KLC4: variants seen among roughly 807,000 people sequenced by gnomAD.
KLC4 encodes the protein kinesin-like protein 8.
In KLC4, 49 loss-of-function variants were observed where a neutral mutation model predicts 77.2. The ratio of observed to expected loss-of-function variants is 0.63; its 90% CI spans 0.50 to 0.80. The LOEUF is 0.80. Among genes scored for constraint, KLC4 ranks in the 30% least tolerant of loss-of-function variants. KLC4 has a pLI of 0.00. For missense variants in KLC4, 669 were observed against 793.5 expected (o/e 0.84, Z 1.89); for synonymous variants, 274 against 314.5 (o/e 0.87, Z 1.36).
chr6:43,060,190 A>G, intron 1 of KLC4: 1 of 1,613,892 alleles, frequency 6.2e-7, no homozygotes, highest in Non-Finnish European at 8.5e-7. Flanking sequence ...TTTGTAGGTG[A>G]CCGTGACAGA....
chr6:43,068,959 T>A (rs1305242072), intron 6 of KLC4, among the ~76,000 whole-genome samples: 1 of 152,004 alleles, frequency 6.6e-6, no homozygotes, highest in African/African-American at 2.4e-5. Context: ...AATACAAAAA[T>A]TAGCCAGTTG....
intron 12 of KLC4, 72 bp downstream of exon 12, chr6:43,072,327 G>A: frequency 8.8e-7 from 1 of 1,140,838 alleles, no homozygotes; most frequent in Non-Finnish European, 1.3e-6. Flanking sequence ...GAGGTTTCTT[G>A]GGAGTCTCCT....
chr6:43,070,550 C>A, intron 7 of KLC4, 95 bp downstream of exon 7: 2 of 1,357,542 alleles, frequency 1.5e-6, no homozygotes, highest in Non-Finnish European at 2.1e-6. Context: ...TTTTTTTTCT[C>A]ACCCCCATCT....
rs1441157354 is a variant in KLC4 at position 43,071,334 on chromosome 6, C to T, written c.1215C>T (p.Ile405=). Reference sequence around the variant, plus strand: ...AGGCTGAGACACTATACAAAGAGATCCTGACCCGTGCCCATGTACAGGAGT... The same window carrying T: ...AGGCTGAGACACTATACAAAGAGATTCTGACCCGTGCCCATGTACAGGAGT... The part of the protein sequence containing the change: ...YAEAETLYKE[I]LTRAHVQEFG... The change falls in exon 9 of 16, where the codon ATC becomes ATT. Residue 405 remains isoleucine (I), a synonymous_variant. Coordinates refer to ENST00000347162, the MANE Select transcript of KLC4 (RefSeq NM_201521.3). 6.2e-7 allele frequency: 1 copy of T among 1,613,986 alleles called. No homozygotes were observed. The highest frequency in any genetic ancestry group is 2.2e-5 in the East Asian group (1 of 44,884).
Position 43,059,679 on chromosome 6 carries a change from A to G in KLC4, c.-32A>G. On this transcript the variant is annotated 5_prime_UTR_variant, in exon 1 of 16. Coordinates refer to ENST00000347162, the MANE Select transcript of KLC4 (RefSeq NM_201521.3). ...GCAAGAGCGGCAGCCACACCGGCAG[A>G]TTGCAGGTGAGTCTTTGAGGGTATC... The G allele has an allele frequency of 7.5e-7, 1 of 1,336,822 alleles. No homozygotes were observed. Among genetic ancestry groups the G allele is most frequent in the Non-Finnish European group, 9.6e-7 (1 of 1,045,848 alleles). The allele number at this position is 1,336,822 out of a possible 1,614,324, so 82.8% of individuals were successfully genotyped here.
chr6:43,066,035 C>T (rs1359336157), intron 4 of KLC4, among the ~76,000 whole-genome samples: 1 of 152,224 alleles, frequency 6.6e-6, no homozygotes, highest in Non-Finnish European at 1.5e-5. Context: ...AGAACCAGGT[C>T]TTTCTTACCT....
At chr6:43,060,642 T>A in intron 1 of KLC4, 1 of 1,106,698 alleles carries the variant, frequency 9.0e-7, no homozygotes, top group Non-Finnish European at 1.1e-6. Context: ...AAGACCCCTC[T>A]GAGGAAGTGG....
intron 1 of KLC4, chr6:43,060,087 T>G (rs1319074601): frequency 6.5e-7 from 1 of 1,536,084 alleles, no homozygotes; most frequent in Non-Finnish European, 8.8e-7. Context: ...CCGCGGTTCC[T>G]TGCGACCCGG....
chr6:43,072,117 C>A, intron 11 of KLC4, 30 bp from the exon 12 acceptor site: 1 of 1,573,366 alleles, frequency 6.4e-7, no homozygotes, highest in South Asian at 1.1e-5. Flanking sequence ...CTCATTCTCT[C>A]TTCCTTCTCT....
Position 43,073,915 on chromosome 6 carries a change from C to T in KLC4, c.1759C>T (p.Arg587Ter). Residue 587 changes from arginine (R) to a stop codon, truncating the protein, a stop_gained, in exon 15 of 16, where the codon CGA (arginine) becomes TGA (stop). Transcript: ENST00000347162. LOFTEE classifies it high-confidence loss of function. ...TTTCCATTGTAGCAGCAACATGAAGCGAGCAGCCTCCTTGAACTATCTGAA... is the reference window on the plus strand; with the variant it reads ...TTTCCATTGTAGCAGCAACATGAAGTGAGCAGCCTCCTTGAACTATCTGAA... ...EPRPSSSNMK[R>*]AASLNYLNQP... is the part of the protein sequence containing the mutation. 1 of 1,613,944 alleles carries T rather than the reference C, an allele frequency of 6.2e-7. No homozygotes were observed. The highest frequency in any genetic ancestry group is 8.5e-7 in the Non-Finnish European group (1 of 1,179,882).
rs1765758552 is a variant in KLC4 at position 43,072,078 on chromosome 6, C to T, written c.1380-69C>T. The T allele has an allele frequency of 2.1e-6, 3 of 1,459,936 alleles. No individual in the cohort carries two copies. In the East Asian group the frequency reaches 6.8e-5, roughly 33 times the overall value. The allele number at this position is 1,459,936 out of a possible 1,614,324, so 90.4% of individuals were successfully genotyped here. A position where few individuals can be genotyped will look rare whatever the true frequency, so the allele number is the denominator to read the frequency against. On this transcript the variant is annotated intron_variant, in intron 11 of 15. Transcript: ENST00000347162. Reference sequence around the variant, plus strand: ...TCTTATTTTTTTTCCTCTTGTCTTGCTTGGAAGACAAATGTTTTGTTTTCT... The same window carrying T: ...TCTTATTTTTTTTCCTCTTGTCTTGTTTGGAAGACAAATGTTTTGTTTTCT...
chr6:43,071,647 G>A, intron 10 of KLC4, 28 bp downstream of exon 10: 1 of 1,608,254 alleles, frequency 6.2e-7, no homozygotes, highest in Non-Finnish European at 8.5e-7. Context: ...GGGCCAGCCT[G>A]GGGAGCTCAA....
chr6:43,069,138 TAAAAG>T (rs990222512), intron 6 of KLC4, among the ~76,000 whole-genome samples: 5 of 151,588 alleles, frequency 3.3e-5, no homozygotes, highest in Non-Finnish European at 7.4e-5. Flanking sequence ...TAAATATAAA[TAAAAG>T]GAAAGAGAGA....
intron 15 of KLC4, chr6:43,074,247 T>A (rs781045482): frequency 1.0e-4 from 47 of 464,264 alleles, no homozygotes; most frequent in Non-Finnish European, 1.6e-4. Flanking sequence ...TAAGAATTAT[T>A]TGGAGATACG....
intron 4 of KLC4, among the ~76,000 whole-genome samples, 196 bp downstream of exon 4, chr6:43,065,897 T>A (rs1300150152): frequency 6.6e-6 from 1 of 152,224 alleles, no homozygotes; most frequent in Non-Finnish European, 1.5e-5. Context: ...GCACTGAATA[T>A]GTGCCAGGTA....
chr6:43,073,946 C>T lies in KLC4; in HGVS notation c.1790C>T (p.Pro597Leu). The part of the protein sequence containing the change: ...RAASLNYLNQ[P>L]SAAPLQVSRG... The stretch of plus-strand genomic sequence containing the variant: ...GCCTCCTTGAACTATCTGAACCAAC[C>T]TAGTGCAGCACCCCTCCAGGTGAGA... The change falls in exon 15 of 16, where the codon CCT (proline) becomes CTT (leucine). Residue 597 changes from proline (P) to leucine (L), a missense_variant. Pro to Leu is a moderately conservative substitution (Grantham distance 98, BLOSUM62 -3). Coordinates refer to ENST00000347162, the MANE Select transcript of KLC4 (RefSeq NM_201521.3). 1.9e-6 allele frequency: 3 copies of T among 1,612,284 alleles called. No individual in the cohort carries two copies. Among genetic ancestry groups the T allele is most frequent in the Non-Finnish European group, 2.5e-6 (3 of 1,179,070 alleles).
At position 43,061,509 on chromosome 6, in the gene KLC4, C is replaced by G; in HGVS notation, c.174C>G (p.Gly58=). ...CCATTGAGTGTCTGCAGCAGGGAGG[C>G]CATGAGGAAGGGCTGGTGCATGAGA... ...SQTIECLQQG[G]HEEGLVHEKA... Residue 58 remains glycine (G), a synonymous_variant, in exon 2 of 16, where the codon GGC becomes GGG. Coordinates refer to ENST00000347162, the MANE Select transcript of KLC4 (RefSeq NM_201521.3). 1.2e-6 allele frequency: 2 copies of G among 1,614,128 alleles called. No homozygotes were observed. Among genetic ancestry groups the G allele is most frequent in the Non-Finnish European group, 1.7e-6 (2 of 1,179,992 alleles).
Position 43,067,101 on chromosome 6 carries a change from T to TGCCCCCCCCCCCCCCCCCC in KLC4, c.879+18_879+19insGCCCCCCCCCCCCCCCCCC. ...ATCCTGCTGTCAGTATTCCTTGCCCTCCCCACCCCACGCCCCGCACCCCCC... is the reference window on the plus strand; with the variant it reads ...ATCCTGCTGTCAGTATTCCTTGCCCTGCCCCCCCCCCCCCCCCCCCCCCACCCCACGCCCCGCACCCCCC... On this transcript the variant is annotated intron_variant, in intron 6 of 15. Coordinates refer to ENST00000347162, the MANE Select transcript of KLC4 (RefSeq NM_201521.3). 6.3e-7 allele frequency: 1 copy of TGCCCCCCCCCCCCCCCCCC among 1,584,714 alleles called. No homozygotes were observed. Among genetic ancestry groups the TGCCCCCCCCCCCCCCCCCC allele is most frequent in the Non-Finnish European group, 8.7e-7 (1 of 1,155,630 alleles).
In KLC4 at chr6:43,070,376, T is replaced by C; in HGVS notation, c.902T>C (p.Leu301Ser). The C allele has an allele frequency of 1.2e-6, 2 of 1,614,102 alleles. No individual in the cohort carries two copies. The highest frequency in any genetic ancestry group is 1.3e-5 in the African/African-American group (1 of 75,054). Residue 301 changes from leucine (L) to serine (S), a missense_variant, in exon 7 of 16, where the codon TTG becomes TCG. Physicochemically the swap from Leu to Ser is moderately radical, Grantham distance 145. Transcript: ENST00000347162. The stretch of plus-strand genomic sequence containing the variant: ...TAGGTGGCTGCCACACTCAACAATT[T>C]GGCTGTGCTCTATGGCAAAAGGGGC... ...HPAVAATLNN[L>S]AVLYGKRGKY...
Sources: gnomAD v4.1 joint callset for allele counts (sites outside exome capture counted in the v4.1 genomes callset) on GRCh38, gnomAD v4.1.1 for gene constraint, MANE v1.5 for transcripts, NCBI Gene and HGNC (gene_info 2026-07-23, HGNC 2026-07-21) for gene names.